Variants in IRF8 observed in about 807,000 individuals in gnomAD.
The protein encoded by IRF8 is interferon regulatory factor 8.
A neutral mutation model predicts 48.7 loss-of-function variants in IRF8; 14 were observed. The ratio of observed to expected loss-of-function variants is 0.29; its 90% CI spans 0.19 to 0.45. The LOEUF (loss-of-function observed/expected upper bound fraction) is 0.45, where lower values mean the gene tolerates loss of function less well. Among genes scored for constraint, IRF8 ranks in the 20% least tolerant of loss-of-function variants. IRF8 has a pLI of 1.00. For synonymous variants in IRF8, 278 were observed against 227.3 expected, an observed-to-expected ratio of 1.22 and a Z score of -2.01; for missense variants, 493 against 580.7, an observed-to-expected ratio of 0.85 and a Z score of 1.55.
intron 3 of IRF8, 116 bp downstream of exon 3, chr16:85,909,289 C>T: frequency 1.2e-6 from 1 of 801,362 alleles, no homozygotes; most frequent in Non-Finnish European, 2.1e-6. Flanking sequence ...TTCAGTTAAA[C>T]AAAGCAGTTC....
At chr16:85,902,953 G>T in intron 1 of IRF8, 62 bp from the exon 2 acceptor site, 1 of 1,582,212 alleles carries the variant, frequency 6.3e-7, no homozygotes. Flanking sequence ...GCAGTTTTTG[G>T]GTTGCTGTGA....
intron 2 of IRF8, among the ~76,000 whole-genome samples, chr16:85,904,684 C>T (rs995581262): frequency 2.0e-5 from 3 of 152,118 alleles, no homozygotes; most frequent in Non-Finnish European, 4.4e-5. Context: ...TGCCCCCACA[C>T]GTTCCAGATT....
intron 1 of IRF8, among the ~76,000 whole-genome samples, chr16:85,899,609 T>A (rs529391023): frequency 6.6e-6 from 1 of 152,240 alleles, no homozygotes; most frequent in African/African-American, 2.4e-5. Flanking sequence ...GCTTGGAGGG[T>A]CAGAGTTGTG....
At chr16:85,920,664 C>T (rs1905524206) in intron 8 of IRF8, among the ~76,000 whole-genome samples, 1 of 152,210 alleles carries the variant, frequency 6.6e-6, no homozygotes, top group Non-Finnish European at 1.5e-5. Context: ...TGGGCAAGAC[C>T]TTCAATATGC....
rs369499000 is a variant in IRF8, at chr16:85,920,124, A to G, written c.1004A>G (p.Tyr335Cys). The G allele has an allele frequency of 9.9e-6, 16 of 1,613,628 alleles. No homozygotes were observed. Among genetic ancestry groups the G allele is most frequent in the Admixed American group, 3.3e-5 (2 of 59,990 alleles). The change falls in exon 8 of 9, where the codon TAT becomes TGT. Residue 335 changes from tyrosine (Y) to cysteine (C), a missense_variant. By Grantham distance (194) the Tyr-to-Cys change is radical. This residue lies in a region of IRF8 where 408 missense variants were observed against 449.6 expected (regional missense o/e 0.91). Transcript: ENST00000268638. ...SQFFRELQQF[Y>C]NSQGRLPDGR... ...GTCATTCCAGAGCTGCAGCAGTTCTATAACAGCCAGGGCCGGCTTCCTGAC... is the reference window on the plus strand; with the variant it reads ...GTCATTCCAGAGCTGCAGCAGTTCTGTAACAGCCAGGGCCGGCTTCCTGAC...
chr16:85,913,403 G>A (rs1341986157), intron 5 of IRF8, 167 bp downstream of exon 5: 1 of 650,820 alleles, frequency 1.5e-6, no homozygotes, highest in Non-Finnish European at 2.8e-6. Flanking sequence ...TTCCCAACAT[G>A]AGGGCAGAGC....
chr16:85,907,417 C>T (rs981310209), intron 2 of IRF8, among the ~76,000 whole-genome samples: 6 of 152,368 alleles, frequency 3.9e-5, no homozygotes, highest in African/African-American at 1.2e-4. Context: ...CGGTGGCTCA[C>T]GCCTGTAAGC....
chr16:85,911,351 A>G, intron 3 of IRF8, among the ~76,000 whole-genome samples: 1 of 152,218 alleles, frequency 6.6e-6, no homozygotes, highest in East Asian at 1.9e-4. Context: ...GTTAGCAGAA[A>G]CAACCACCAC....
At chr16:85,907,582 G>A (rs1413642333) in intron 2 of IRF8, among the ~76,000 whole-genome samples, 1 of 152,326 alleles carries the variant, frequency 6.6e-6, no homozygotes, top group East Asian at 1.9e-4. Flanking sequence ...GGAGGCTGAG[G>A]TAGGAGGATT....
At chr16:85,916,989 A>C (rs1281707696) in intron 6 of IRF8, among the ~76,000 whole-genome samples, 7 of 152,226 alleles carry the variant, frequency 4.6e-5, no homozygotes, top group Non-Finnish European at 1.0e-4. Context: ...CCTACCCTGC[A>C]TGATTCTAGA....
intron 6 of IRF8, 155 bp from the exon 7 acceptor site, chr16:85,918,262 T>C: frequency 1.2e-6 from 1 of 812,382 alleles, no homozygotes; most frequent in Non-Finnish European, 1.9e-6. Flanking sequence ...AAAACATTAC[T>C]TCTACAAGCA....
intron 7 of IRF8, 142 bp downstream of exon 7, chr16:85,918,945 G>A (rs902700635): frequency 1.8e-6 from 2 of 1,117,026 alleles, no homozygotes; most frequent in Non-Finnish European, 1.3e-6. Flanking sequence ...GCAAGGAGGT[G>A]CTCCTTTGAA....
intron 6 of IRF8, 27 bp downstream of exon 6, chr16:85,914,547 G>A: frequency 6.2e-7 from 1 of 1,613,762 alleles, no homozygotes. Context: ...GCTGAGAGGG[G>A]CGTGGGCACT....
At chr16:85,908,896 G>T in intron 2 of IRF8, 94 bp from the exon 3 acceptor site, 1 of 1,073,480 alleles carries the variant, frequency 9.3e-7, no homozygotes, top group East Asian at 2.4e-5. Context: ...AAGATTCATG[G>T]GAAGGGAAGG....
At chr16:85,909,707 C>T (rs2152100883) in intron 3 of IRF8, 1 of 168,964 alleles carries the variant, frequency 5.9e-6, no homozygotes, top group African/African-American at 2.4e-5. Context: ...CCCAAGAAAG[C>T]ATTTGTGACA....
In IRF8 at chr16:85,914,583, C is replaced by T; in HGVS notation, c.601+63C>T. The T allele has an allele frequency of 3.1e-6, 5 of 1,593,358 alleles. No homozygotes were observed. In the South Asian group the frequency reaches 3.3e-5, roughly 11 times the overall value. On this transcript the variant is annotated intron_variant, in intron 6 of 8. Coordinates refer to ENST00000268638, the MANE Select transcript of IRF8 (RefSeq NM_002163.4). Reference sequence around the variant, plus strand: ...GTTTGAAGACAAAGCCCAGATAACCCAAGCAGGGTTGCGGGGTTTCGAGGA... The same window carrying T: ...GTTTGAAGACAAAGCCCAGATAACCTAAGCAGGGTTGCGGGGTTTCGAGGA...
intron 2 of IRF8, among the ~76,000 whole-genome samples, chr16:85,906,972 A>G (rs994463461): frequency 1.3e-5 from 2 of 152,216 alleles, no homozygotes; most frequent in African/African-American, 2.4e-5. Context: ...ATTTGAAACT[A>G]CAGTTGATTT....
intron 2 of IRF8, among the ~76,000 whole-genome samples, chr16:85,907,142 A>G (rs2081750545): frequency 6.6e-6 from 1 of 152,236 alleles, no homozygotes; most frequent in African/African-American, 2.4e-5. Context: ...CACATGAGGA[A>G]ACTACCACTT....
At chr16:85,908,058 C>A (rs1481429771) in intron 2 of IRF8, among the ~76,000 whole-genome samples, 1 of 152,148 alleles carries the variant, frequency 6.6e-6, no homozygotes, top group Non-Finnish European at 1.5e-5. Flanking sequence ...GGCATTTAAT[C>A]CCAGACTGGG....
Sources: gnomAD v4.1 joint callset for allele counts (sites outside exome capture counted in the v4.1 genomes callset) on GRCh38, gnomAD v4.1.1 for gene constraint, gnomAD v4.1.1 regional missense constraint, MANE v1.5 for transcripts, NCBI Gene and HGNC (gene_info 2026-07-23, HGNC 2026-07-21) for gene names.